Variants in XKR4 observed in about 807,000 individuals in gnomAD.
The protein encoded by XKR4 is XK-related protein 4.
Under a neutral mutation model 53.9 loss-of-function variants are expected in XKR4, and 12 were observed. That is an observed-to-expected ratio of 0.22 (90% CI 0.14 to 0.36). XKR4 has a LOEUF of 0.36. XKR4 is among the 10% of genes least tolerant of loss of function. The pLI, the probability that XKR4 is intolerant of heterozygous loss-of-function variation, is 1.00. For missense variants in XKR4, 799 were observed against 859.5 expected, an observed-to-expected ratio of 0.93 and a Z score of 0.88; for synonymous variants, 354 against 362.4, an observed-to-expected ratio of 0.98 and a Z score of 0.26.
intron 1 of XKR4, among the ~76,000 whole-genome samples, chr8:55,263,919 G>A (rs1269114818): frequency 6.6e-6 from 1 of 152,160 alleles, no homozygotes; most frequent in Non-Finnish European, 1.5e-5. Context: ...TTGAAATTAG[G>A]AAAATGGTCA....
At chr8:55,335,000 C>T (rs1228145482) in intron 1 of XKR4, among the ~76,000 whole-genome samples, 2 of 152,156 alleles carry the variant, frequency 1.3e-5, no homozygotes, top group East Asian at 3.8e-4. Context: ...ACAAGAAAAG[C>T]CTCAGCCTAT....
intron 1 of XKR4, among the ~76,000 whole-genome samples, chr8:55,355,287 GAGA>G (rs1261760819): frequency 6.6e-6 from 1 of 151,986 alleles, no homozygotes; most frequent in East Asian, 1.9e-4. Flanking sequence ...ACACCACAGT[GAGA>G]AGATGAATAG....
At chr8:55,485,692 C>T (rs962094461) in intron 2 of XKR4, among the ~76,000 whole-genome samples, 3 of 152,106 alleles carry the variant, frequency 2.0e-5, no homozygotes, top group African/African-American at 7.2e-5. Context: ...AACCACCGTA[C>T]CCGGCCTAAG....
At position 55,530,195 on chromosome 8, in the gene XKR4, G is replaced by C. The variant is rs1806930296; in HGVS notation, c.*5968G>C. On this transcript the variant is annotated 3_prime_UTR_variant, in exon 3 of 3. Coordinates refer to ENST00000327381, the MANE Select transcript of XKR4 (RefSeq NM_052898.2). ...AGGAAGGAAGGAAGGAAGGAAGGAA[G>C]GAAGGAAGGAAGGAGATTTAACAAG... 9.9e-6 allele frequency: 1 copy of C among 101,150 alleles called. No homozygotes were observed. The highest frequency in any genetic ancestry group is 2.4e-4 in the East Asian group (1 of 4,084). 6.3% of individuals were successfully genotyped at this position (101,150 alleles called of 1,614,324 possible).
chr8:55,388,071 G>T (rs993262251), intron 2 of XKR4, among the ~76,000 whole-genome samples: 6 of 152,178 alleles, frequency 3.9e-5, no homozygotes, highest in South Asian at 2.1e-4. Context: ...GTAGTTAAAT[G>T]GTTGTTTCAC....
chr8:55,330,477 GT>G (rs1401126367), intron 1 of XKR4, among the ~76,000 whole-genome samples: 1 of 151,952 alleles, frequency 6.6e-6, no homozygotes, highest in Non-Finnish European at 1.5e-5. Context: ...TTCCCACAGA[GT>G]AAAAAATGGA....
At chr8:55,246,038 A>AT (rs1378622945) in intron 1 of XKR4, among the ~76,000 whole-genome samples, 2 of 152,180 alleles carry the variant, frequency 1.3e-5, no homozygotes, top group Non-Finnish European at 2.9e-5. Flanking sequence ...GGAGGCAGAG[A>AT]TTGCAGTGAG....
At chr8:55,460,025 C>A (rs11991140) in intron 2 of XKR4, among the ~76,000 whole-genome samples, 57,231 of 141,894 alleles carry the variant, frequency 0.4, 11,130 homozygotes, top group East Asian at 0.51. Flanking sequence ...AAAAAAAAAA[C>A]CAAATGTCCA....
At chr8:55,276,449 A>C (rs1563313462) in intron 1 of XKR4, among the ~76,000 whole-genome samples, 1 of 152,244 alleles carries the variant, frequency 6.6e-6, no homozygotes, top group Non-Finnish European at 1.5e-5. Context: ...TAACCACTGA[A>C]GGAATGAGAG....
At chr8:55,140,075 T>G (rs1816683009) in intron 1 of XKR4, 1 of 335,388 alleles carries the variant, frequency 3.0e-6, no homozygotes, top group Admixed American at 4.3e-5. Flanking sequence ...ATTTATTAAA[T>G]TAGAAAAACA....
At chr8:55,344,769 A>G (rs527697237) in intron 1 of XKR4, among the ~76,000 whole-genome samples, 2 of 152,352 alleles carry the variant, frequency 1.3e-5, no homozygotes, top group Admixed American at 6.5e-5. Flanking sequence ...AAGTTGCCCA[A>G]GAGGCCCTGG....
At chr8:55,298,850 G>A (rs1819138786) in intron 1 of XKR4, among the ~76,000 whole-genome samples, 1 of 152,130 alleles carries the variant, frequency 6.6e-6, no homozygotes, top group Non-Finnish European at 1.5e-5. Context: ...AGCTATTCGA[G>A]AATAGGTTGA....
intron 2 of XKR4, among the ~76,000 whole-genome samples, chr8:55,420,594 A>G (rs1454327229): frequency 2.2e-5 from 3 of 133,584 alleles, no homozygotes; most frequent in African/African-American, 5.8e-5. Flanking sequence ...ATGAGAACAC[A>G]TGGACACAGG....
At chr8:55,298,006 T>C (rs1325266764) in intron 1 of XKR4, among the ~76,000 whole-genome samples, 1 of 152,234 alleles carries the variant, frequency 6.6e-6, no homozygotes, top group Non-Finnish European at 1.5e-5. Context: ...TCAGAATTTT[T>C]CTAAACATTG....
rs758875758 is a variant in XKR4, at chr8:55,536,992, G to T, written c.*12765G>T. 7.2e-5 allele frequency: 11 copies of T among 152,172 alleles called. No homozygotes were observed. Among genetic ancestry groups the T allele is most frequent in the Admixed American group, 1.3e-4 (2 of 15,282 alleles). 9.4% of individuals were successfully genotyped at this position (152,172 alleles called of 1,614,324 possible). ...CTTCAAATAGAAGTTTTAATTTTAA[G>T]CATTCCTTATGATATTTTTTAAGCC... is the stretch of plus-strand genomic sequence containing the variant. On this transcript the variant is annotated 3_prime_UTR_variant, in exon 3 of 3. Coordinates refer to ENST00000327381, the MANE Select transcript of XKR4 (RefSeq NM_052898.2).
intron 2 of XKR4, among the ~76,000 whole-genome samples, chr8:55,367,266 C>T (rs1804002910): frequency 6.6e-6 from 1 of 151,926 alleles, no homozygotes; most frequent in Non-Finnish European, 1.5e-5. Flanking sequence ...TGGATTCTTT[C>T]ATTCAGTGTT....
chr8:55,254,285 T>G (rs1264372036), intron 1 of XKR4, among the ~76,000 whole-genome samples: 1 of 152,112 alleles, frequency 6.6e-6, no homozygotes, highest in East Asian at 1.9e-4. Flanking sequence ...TGTACGGTGC[T>G]GTGAGAATGG....
intron 1 of XKR4, among the ~76,000 whole-genome samples, chr8:55,274,586 C>T (rs1818739166): frequency 6.6e-6 from 1 of 152,134 alleles, no homozygotes; most frequent in African/African-American, 2.4e-5. Context: ...GCTCGCACCA[C>T]CACACCCAGC....
intron 2 of XKR4, among the ~76,000 whole-genome samples, chr8:55,393,337 T>C (rs1394516239): frequency 6.6e-6 from 1 of 151,474 alleles, no homozygotes; most frequent in Non-Finnish European, 1.5e-5. Context: ...TAAAGGATAA[T>C]TGGTCTCATT....
Sources: allele counts gnomAD v4.1 joint callset (sites outside exome capture counted in the v4.1 genomes callset), GRCh38; gene constraint gnomAD v4.1.1; transcripts MANE v1.5; gene names NCBI Gene and HGNC (gene_info 2026-07-23, HGNC 2026-07-21).